The following TFEC variants were observed in gnomAD, a reference collection of about 807,000 sequenced individuals.
TFEC encodes class E basic helix-loop-helix protein 34.
A neutral mutation model predicts 41.6 loss-of-function variants in TFEC; 31 were observed. The ratio of observed to expected loss-of-function variants is 0.74; its 90% CI spans 0.56 to 1.01. The LOEUF (loss-of-function observed/expected upper bound fraction) is 1.01, where lower values mean the gene tolerates loss of function less well. TFEC is among the 50% of genes least tolerant of loss of function. The pLI is 0.00. For synonymous variants in TFEC, 143 were observed against 140.6 expected, an observed-to-expected ratio of 1.02 and a Z score of -0.12; for missense variants, 402 against 404.1, an observed-to-expected ratio of 0.99 and a Z score of 0.04.
chr7:116,012,826 G>GA (rs10568835), intron 1 of TFEC, among the ~76,000 whole-genome samples: 172 of 134,882 alleles, frequency 1.3e-3, no homozygotes, highest in Middle Eastern at 6.0e-3. Flanking sequence ...TTTATTTCTG[G>GA]AAAAAAAAAA....
At chr7:116,150,196 T>G (rs1416319947) in intron 1 of TFEC, among the ~76,000 whole-genome samples, 1 of 152,148 alleles carries the variant, frequency 6.6e-6, no homozygotes, top group African/African-American at 2.4e-5. Context: ...CTTTCATAGT[T>G]TTACTACTAG....
chr7:116,002,950 T>A (rs954367625), intron 1 of TFEC, among the ~76,000 whole-genome samples: 1 of 151,974 alleles, frequency 6.6e-6, no homozygotes, highest in Non-Finnish European at 1.5e-5. Flanking sequence ...TGAAATCATA[T>A]AAAATGCTCA....
intron 6 of TFEC, among the ~76,000 whole-genome samples, chr7:115,946,919 T>C (rs1339825493): frequency 1.3e-5 from 2 of 151,446 alleles, no homozygotes; most frequent in African/African-American, 4.8e-5. Context: ...TCAGTTTTTT[T>C]TTAAATTTAT....
At chr7:116,081,616 C>T (rs1403011965) in intron 3 of TFEC, among the ~76,000 whole-genome samples, 1 of 152,034 alleles carries the variant, frequency 6.6e-6, no homozygotes, top group Non-Finnish European at 1.5e-5. Flanking sequence ...CCTACACACT[C>T]GTCTTCCTAA....
At chr7:115,979,999 TTA>T (rs1261259285) in intron 2 of TFEC, among the ~76,000 whole-genome samples, 1 of 152,226 alleles carries the variant, frequency 6.6e-6, no homozygotes, top group Non-Finnish European at 1.5e-5. Flanking sequence ...ATTGCTTTGA[TTA>T]TGATACTTTT....
chr7:116,084,756 C>T (rs1797164973), intron 3 of TFEC, among the ~76,000 whole-genome samples: 1 of 151,698 alleles, frequency 6.6e-6, no homozygotes, highest in African/African-American at 2.4e-5. Context: ...TTTTAAAAAT[C>T]CTTTGTTTTT....
intron 1 of TFEC, among the ~76,000 whole-genome samples, chr7:116,027,229 G>A (rs554505881): frequency 3.9e-5 from 6 of 152,178 alleles, no homozygotes; most frequent in Admixed American, 1.3e-4. Flanking sequence ...GAAAGATGCC[G>A]CATAGAATGA....
intron 1 of TFEC, among the ~76,000 whole-genome samples, chr7:116,151,621 G>GT (rs1242781167): frequency 6.6e-6 from 1 of 151,168 alleles, no homozygotes; most frequent in East Asian, 1.9e-4. Context: ...TTTGGTTTTG[G>GT]TTTTTTTCCA....
In TFEC at chr7:115,938,416, G is replaced by A. The variant is rs764555887; in HGVS notation, c.*2135C>T. 12 of 151,682 alleles carry A rather than the reference G, an allele frequency of 7.9e-5. No individual in the cohort carries two copies. Among genetic ancestry groups the A allele is most frequent in the Admixed American group, 2.6e-4 (4 of 15,198 alleles). 9.4% of individuals were successfully genotyped at this position (151,682 alleles called of 1,614,324 possible). A position where few individuals can be genotyped will look rare whatever the true frequency, so the allele number is the denominator to read the frequency against. ...TATAAAATTAAAAGTATGTAATATCGTCTTGAAAATTATTGAGAAGATGTA... is the reference window on the plus strand; with the variant it reads ...TATAAAATTAAAAGTATGTAATATCATCTTGAAAATTATTGAGAAGATGTA... On this transcript the variant is annotated 3_prime_UTR_variant, in exon 8 of 8. Coordinates refer to ENST00000265440, the MANE Select transcript of TFEC (RefSeq NM_012252.4).
intron 3 of TFEC, among the ~76,000 whole-genome samples, chr7:116,068,225 T>C (rs894866532): frequency 1.3e-5 from 2 of 151,856 alleles, no homozygotes; most frequent in Admixed American, 6.6e-5. Flanking sequence ...GGAAATCCCA[T>C]GTATGACAGG....
intron 1 of TFEC, among the ~76,000 whole-genome samples, chr7:116,124,741 T>C (rs1449815507): frequency 1.3e-5 from 2 of 152,138 alleles, no homozygotes; most frequent in African/African-American, 4.8e-5. Context: ...GCTTCTCCTA[T>C]GTAAATTTTC....
chr7:116,140,942 C>T (rs573135527), intron 1 of TFEC, among the ~76,000 whole-genome samples: 1 of 152,290 alleles, frequency 6.6e-6, no homozygotes, highest in South Asian at 2.1e-4. Flanking sequence ...ATTTTCCCCA[C>T]CATCCAGATA....
chr7:116,083,745 C>A (rs1797142510), intron 3 of TFEC, among the ~76,000 whole-genome samples: 1 of 151,864 alleles, frequency 6.6e-6, no homozygotes, highest in African/African-American at 2.4e-5. Context: ...TTTCAAGATT[C>A]TAAATATTAG....
intron 3 of TFEC, among the ~76,000 whole-genome samples, chr7:115,968,613 G>A (rs1181060154): frequency 2.0e-5 from 3 of 151,888 alleles, no homozygotes; most frequent in Admixed American, 2.0e-4. Flanking sequence ...ACCAATGGGT[G>A]TAAATAATAC....
At chr7:116,000,015 A>G (rs1280962189) in intron 1 of TFEC, among the ~76,000 whole-genome samples, 1 of 152,132 alleles carries the variant, frequency 6.6e-6, no homozygotes, top group Non-Finnish European at 1.5e-5. Flanking sequence ...AGACATATCA[A>G]TAAAAGAAAA....
chr7:115,984,602 C>T (rs889985032), intron 1 of TFEC, 89 bp from the exon 2 acceptor site: 13 of 1,448,378 alleles, frequency 9.0e-6, no homozygotes, highest in Non-Finnish European at 1.2e-5. Context: ...GGATAATAAA[C>T]ACACTACACT....
intron 1 of TFEC, among the ~76,000 whole-genome samples, chr7:116,020,760 G>A (rs1440011164): frequency 2.0e-5 from 3 of 151,752 alleles, no homozygotes; most frequent in East Asian, 1.9e-4. Context: ...CTATCTAATC[G>A]TACCATTGGA....
chr7:115,943,599 G>T (rs912130434), intron 6 of TFEC, among the ~76,000 whole-genome samples: 1 of 149,666 alleles, frequency 6.7e-6, no homozygotes, highest in Non-Finnish European at 1.5e-5. Flanking sequence ...TAATGTACTA[G>T]ATTCTTTCCT....
At chr7:115,948,668 T>G (rs921510479) in intron 6 of TFEC, among the ~76,000 whole-genome samples, 3 of 151,446 alleles carry the variant, frequency 2.0e-5, no homozygotes, top group Admixed American at 2.0e-4. Context: ...CTAAAAACTC[T>G]CAATAAATTA....
Sources: gnomAD v4.1 joint callset for allele counts (sites outside exome capture counted in the v4.1 genomes callset) on GRCh38, gnomAD v4.1.1 for gene constraint, MANE v1.5 for transcripts, NCBI Gene and HGNC (gene_info 2026-07-23, HGNC 2026-07-21) for gene names.